SFMBT2: variants seen among roughly 807,000 people sequenced by gnomAD.
The protein encoded by SFMBT2 is Scm like with four mbt domains 2.
Under a neutral mutation model 110.1 loss-of-function variants are expected in SFMBT2, and 38 were observed. The observed-to-expected ratio is 0.35, with a 90% CI of 0.27 to 0.45. The LOEUF is 0.45. Ranked by LOEUF, SFMBT2 falls within the 20% of genes least tolerant of loss-of-function variation. SFMBT2 has a pLI of 1.00. For missense variants in SFMBT2, 1,011 were observed against 1,094.9 expected, an observed-to-expected ratio of 0.92 and a Z score of 1.08; for synonymous variants, 425 against 425.4, an observed-to-expected ratio of 1.00 and a Z score of 0.01.
At chr10:7,245,534 T>A (rs938036994) in intron 8 of SFMBT2, among the ~76,000 whole-genome samples, 33 of 152,222 alleles carry the variant, frequency 2.2e-4, no homozygotes. Flanking sequence ...TGAAGCACTG[T>A]TTTGTGCTCT....
chr10:7,345,579 G>A (rs1340468359), intron 4 of SFMBT2, among the ~76,000 whole-genome samples: 1 of 152,046 alleles, frequency 6.6e-6, no homozygotes, highest in Non-Finnish European at 1.5e-5. Context: ...GGCTGGTCTC[G>A]AACTCCTGAC....
chr10:7,316,690 A>G (rs1301395282), intron 4 of SFMBT2, among the ~76,000 whole-genome samples: 1 of 152,216 alleles, frequency 6.6e-6, no homozygotes, highest in Non-Finnish European at 1.5e-5. Flanking sequence ...AGTCACTAGC[A>G]TCGTGCCTGT....
intron 4 of SFMBT2, among the ~76,000 whole-genome samples, chr10:7,349,313 A>G (rs1405725437): frequency 6.6e-6 from 1 of 152,116 alleles, no homozygotes; most frequent in Non-Finnish European, 1.5e-5. Context: ...TTTCATCCCA[A>G]CACAGTCTCA....
intron 4 of SFMBT2, among the ~76,000 whole-genome samples, chr10:7,317,773 T>C (rs778724147): frequency 6.6e-6 from 1 of 152,092 alleles, no homozygotes; most frequent in Non-Finnish European, 1.5e-5. Context: ...CACTAATTTA[T>C]GTAACAAAAT....
intron 4 of SFMBT2, among the ~76,000 whole-genome samples, chr10:7,350,332 C>T (rs12251606): frequency 0.024 from 3,589 of 152,226 alleles, 123 homozygotes; most frequent in African/African-American, 0.081. Context: ...ACCATCCACA[C>T]GCTGGGACAT....
Position 7,197,655 on chromosome 10 carries a change from G to T in SFMBT2, c.1591C>A (p.Leu531Ile), listed in dbSNP as rs1564378156. 2 of 1,614,204 alleles carry T rather than the reference G, an allele frequency of 1.2e-6. No homozygotes were observed. The highest frequency in any genetic ancestry group is 1.7e-6 in the Non-Finnish European group (2 of 1,180,032). ...GAGAAACACCTGTGGTTGATGAAGA[G>T]CTGAGGACAGCAGTATTTCCCGTTG... is the stretch of plus-strand genomic sequence containing the variant. Reference protein sequence around the residue: ...TVNGKYCCPQLFINHRCFSGP... With the variant: ...TVNGKYCCPQIFINHRCFSGP... The change falls in exon 15 of 21, where the codon CTC (leucine) becomes ATC (isoleucine). Residue 531 changes from leucine to isoleucine, a missense_variant. Physicochemically the swap from Leu to Ile is conservative, Grantham distance 5. Transcript: ENST00000397167.
At chr10:7,215,458 GT>G (rs1202498177) in intron 11 of SFMBT2, 1 of 748,302 alleles carries the variant, frequency 1.3e-6, no homozygotes, top group Non-Finnish European at 1.6e-6. Context: ...TCTTGAACCT[GT>G]TTTAGGGGAT....
chr10:7,245,630 G>C (rs996551657), intron 8 of SFMBT2, among the ~76,000 whole-genome samples: 15 of 152,224 alleles, frequency 9.9e-5, no homozygotes, highest in Non-Finnish European at 1.2e-4. Flanking sequence ...AGAGATGGCA[G>C]AAACAGAAAC....
At chr10:7,374,780 T>A (rs2132065815) in intron 2 of SFMBT2, among the ~76,000 whole-genome samples, 1 of 152,348 alleles carries the variant, frequency 6.6e-6, no homozygotes, top group Middle Eastern at 3.4e-3. Flanking sequence ...TGACTTGAAC[T>A]GTGCGTTATA....
At chr10:7,261,029 T>A (rs914944162) in intron 7 of SFMBT2, among the ~76,000 whole-genome samples, 5 of 152,030 alleles carry the variant, frequency 3.3e-5, no homozygotes, top group Non-Finnish European at 7.4e-5. Context: ...GGTCTCTCTG[T>A]ATGAGGTATG....
At chr10:7,235,659 T>A (rs1840230578) in intron 9 of SFMBT2, among the ~76,000 whole-genome samples, 2 of 151,720 alleles carry the variant, frequency 1.3e-5, no homozygotes, top group Admixed American at 1.3e-4. Flanking sequence ...AACATATCCA[T>A]CACAAAAACA....
intron 15 of SFMBT2, among the ~76,000 whole-genome samples, chr10:7,194,651 G>A (rs1006812260): frequency 5.3e-5 from 8 of 152,230 alleles, no homozygotes. Context: ...AGGAGCATTA[G>A]CGTAAATATT....
chr10:7,386,339 G>A (rs1234282272), intron 1 of SFMBT2, among the ~76,000 whole-genome samples: 1 of 152,142 alleles, frequency 6.6e-6, no homozygotes, highest in Non-Finnish European at 1.5e-5. Flanking sequence ...ATGTGGGCCA[G>A]GGGAGTGGTT....
chr10:7,179,004 A>C (rs1359127665), intron 16 of SFMBT2, among the ~76,000 whole-genome samples: 1 of 152,238 alleles, frequency 6.6e-6, no homozygotes, highest in Non-Finnish European at 1.5e-5. Flanking sequence ...AAGACTGGAA[A>C]AATACTTTTC....
Position 7,408,361 on chromosome 10 carries a change from T to C in SFMBT2, c.-52+2500A>G, listed in dbSNP as rs1171269096. ...GGGTCTCCAAGCCAGTGCCGCTTGC[T>C]CCCGGCCCCCACCCACTGACAGCAC... On this transcript the variant is annotated intron_variant, in intron 1 of 20. Transcript: ENST00000397167. The surrounding 1 kb of genome is among the most constrained non-coding windows in gnomAD (Gnocchi z 5.7). Among the ~76,000 whole-genome samples, 2 of 152,162 alleles carry C rather than the reference T, an allele frequency of 1.3e-5. No individual in the cohort carries two copies. Among genetic ancestry groups the C allele is most frequent in the Admixed American group, 1.3e-4 (2 of 15,278 alleles).
At chr10:7,224,323 T>G (rs146899993) in intron 10 of SFMBT2, among the ~76,000 whole-genome samples, 1 of 152,260 alleles carries the variant, frequency 6.6e-6, no homozygotes, top group African/African-American at 2.4e-5. Flanking sequence ...TCCTGGCACC[T>G]ACATGATTCA....
chr10:7,194,485 G>A (rs1838708388), intron 15 of SFMBT2, among the ~76,000 whole-genome samples: 1 of 152,130 alleles, frequency 6.6e-6, no homozygotes, highest in Admixed American at 6.5e-5. Flanking sequence ...AGATCAGGGT[G>A]AACCGCTCTC....
intron 4 of SFMBT2, among the ~76,000 whole-genome samples, chr10:7,311,059 A>AC (rs1175169195): frequency 6.7e-6 from 1 of 149,952 alleles, no homozygotes; most frequent in Non-Finnish European, 1.5e-5. Context: ...AAAAAAAAAA[A>AC]AAAACAAAAC....
At chr10:7,205,427 G>A in intron 12 of SFMBT2, 1 of 985,178 alleles carries the variant, frequency 1.0e-6, no homozygotes, top group Non-Finnish European at 1.2e-6. Context: ...TATATTATTG[G>A]AACCAATTAA....
Sources: gnomAD v4.1 joint callset for allele counts (sites outside exome capture counted in the v4.1 genomes callset) on GRCh38, gnomAD v4.1.1 for gene constraint, Gnocchi (gnomAD v3.1) non-coding constraint, MANE v1.5 for transcripts, NCBI Gene and HGNC (gene_info 2026-07-23, HGNC 2026-07-21) for gene names.